Variants in L3MBTL4 observed in about 807,000 individuals in gnomAD.
L3MBTL4 encodes lethal(3)malignant brain tumor-like protein 4.
In L3MBTL4, 70 loss-of-function variants were observed where a neutral mutation model predicts 84.5. The observed-to-expected ratio is 0.83, with a 90% CI of 0.68 to 1.01. L3MBTL4 has a LOEUF of 1.01. L3MBTL4 is among the 50% of genes least tolerant of loss of function. L3MBTL4 has a pLI of 0.00. For synonymous variants in L3MBTL4, 274 were observed against 259.8 expected (o/e 1.05, Z -0.52); for missense variants, 715 against 754.8 (o/e 0.95, Z 0.62).
chr18:5,962,790 G>C (rs1336001719), intron 17 of L3MBTL4, among the ~76,000 whole-genome samples: 1 of 152,214 alleles, frequency 6.6e-6, no homozygotes, highest in Non-Finnish European at 1.5e-5. Context: ...AGGAATCAAA[G>C]ATGAGCGCAG....
At chr18:5,965,610 G>T (rs1344023541) in intron 17 of L3MBTL4, among the ~76,000 whole-genome samples, 1 of 152,130 alleles carries the variant, frequency 6.6e-6, no homozygotes, top group African/African-American at 2.4e-5. Context: ...CCCACACTCT[G>T]CTGTGGGTAG....
chr18:6,199,175 C>A (rs766144275), intron 12 of L3MBTL4, among the ~76,000 whole-genome samples: 27 of 152,168 alleles, frequency 1.8e-4, no homozygotes, highest in Non-Finnish European at 3.5e-4. Context: ...AAATCCAACA[C>A]AGCATCAGCT....
chr18:6,066,767 C>A (rs1201306498), intron 16 of L3MBTL4, among the ~76,000 whole-genome samples: 1 of 151,996 alleles, frequency 6.6e-6, no homozygotes, highest in African/African-American at 2.4e-5. Flanking sequence ...TTAGGTGGGT[C>A]TCTTGAACAT....
At chr18:6,131,519 GA>G (rs1054631521) in intron 14 of L3MBTL4, among the ~76,000 whole-genome samples, 3 of 150,990 alleles carry the variant, frequency 2.0e-5, no homozygotes, top group Admixed American at 6.6e-5. Flanking sequence ...ATGACAAGAG[GA>G]AAAAACCTTT....
chr18:6,413,379 T>C (rs2056049775), intron 1 of L3MBTL4, among the ~76,000 whole-genome samples: 1 of 152,178 alleles, frequency 6.6e-6, no homozygotes, highest in Non-Finnish European at 1.5e-5. Flanking sequence ...ACTCAACCAT[T>C]ACACACCAAG....
chr18:6,228,607 A>G (rs146577906), intron 10 of L3MBTL4, among the ~76,000 whole-genome samples: 2 of 152,200 alleles, frequency 1.3e-5, no homozygotes, highest in South Asian at 2.1e-4. Flanking sequence ...ACTCAAGGAG[A>G]GCATATAAGT....
At chr18:6,063,781 A>T (rs2057314460) in intron 16 of L3MBTL4, among the ~76,000 whole-genome samples, 1 of 151,902 alleles carries the variant, frequency 6.6e-6, no homozygotes, top group Non-Finnish European at 1.5e-5. Context: ...CATAGTTTGC[A>T]AATATTTTCT....
At chr18:6,075,766 C>T (rs1028658996) in intron 16 of L3MBTL4, among the ~76,000 whole-genome samples, 11 of 151,982 alleles carry the variant, frequency 7.2e-5, no homozygotes, top group African/African-American at 2.4e-4. Flanking sequence ...AATTATAAAA[C>T]AATGAACTCA....
chr18:6,119,191 C>T (rs2059452191), intron 14 of L3MBTL4, among the ~76,000 whole-genome samples: 1 of 130,550 alleles, frequency 7.7e-6, no homozygotes, highest in South Asian at 2.6e-4. Context: ...CCACCAGCTG[C>T]TGACTTGATT....
At chr18:6,322,043 A>G (rs182729853) in intron 1 of L3MBTL4, among the ~76,000 whole-genome samples, 86 of 152,284 alleles carry the variant, frequency 5.6e-4, no homozygotes, top group African/African-American at 1.9e-3. Context: ...TATTGTAATA[A>G]AAATATTTTT....
At chr18:6,109,345 T>C (rs1489991279) in intron 14 of L3MBTL4, among the ~76,000 whole-genome samples, 2 of 152,136 alleles carry the variant, frequency 1.3e-5, no homozygotes, top group Middle Eastern at 3.2e-3. Flanking sequence ...TGTGTGCATG[T>C]ATGTAGACAG....
At chr18:6,048,721 G>A (rs1279003654) in intron 16 of L3MBTL4, among the ~76,000 whole-genome samples, 1 of 151,172 alleles carries the variant, frequency 6.6e-6, no homozygotes, top group South Asian at 2.1e-4. Context: ...CCCGGGAGGC[G>A]GAGGCTGCAG....
At chr18:6,091,432 T>C (rs768696894) in intron 15 of L3MBTL4, among the ~76,000 whole-genome samples, 65 of 152,358 alleles carry the variant, frequency 4.3e-4, no homozygotes, top group Non-Finnish European at 5.7e-4. Context: ...TGAGGATTCA[T>C]GATGTGTAAC....
At chr18:6,216,439 A>G (rs1051270868) in intron 10 of L3MBTL4, among the ~76,000 whole-genome samples, 1 of 152,074 alleles carries the variant, frequency 6.6e-6, no homozygotes, top group African/African-American at 2.4e-5. Flanking sequence ...TCTATATAGT[A>G]TAGTTTTATT....
At chr18:5,991,364 G>A (rs1222716914) in intron 16 of L3MBTL4, among the ~76,000 whole-genome samples, 5 of 152,180 alleles carry the variant, frequency 3.3e-5, no homozygotes, top group African/African-American at 9.7e-5. Flanking sequence ...TTAAGCAAAT[G>A]AGTCGTTTAG....
intron 4 of L3MBTL4, among the ~76,000 whole-genome samples, chr18:6,286,901 G>C (rs1366021655): frequency 6.6e-6 from 1 of 152,186 alleles, no homozygotes; most frequent in African/African-American, 2.4e-5. Flanking sequence ...CTGGTTGGGA[G>C]CTCTGTTCAC....
chr18:6,121,037 T>C (rs533597794), intron 14 of L3MBTL4, among the ~76,000 whole-genome samples: 1 of 152,270 alleles, frequency 6.6e-6, no homozygotes, highest in Non-Finnish European at 1.5e-5. Context: ...AGATAAGTGA[T>C]GTTTACAACA....
At chr18:6,173,894 A>G (rs1211569076) in intron 12 of L3MBTL4, among the ~76,000 whole-genome samples, 2 of 152,306 alleles carry the variant, frequency 1.3e-5, no homozygotes, top group Admixed American at 6.5e-5. Flanking sequence ...AGTAGCTGAT[A>G]CGGGGCTGAG....
intron 16 of L3MBTL4, among the ~76,000 whole-genome samples, chr18:6,056,210 G>T (rs1239451759): frequency 6.6e-6 from 1 of 152,098 alleles, no homozygotes; most frequent in African/African-American, 2.4e-5. Flanking sequence ...TAAGAAAAAA[G>T]AGACTGTCAT....
Sources: allele counts gnomAD v4.1 joint callset (sites outside exome capture counted in the v4.1 genomes callset), GRCh38; gene constraint gnomAD v4.1.1; transcripts MANE v1.5; gene names NCBI Gene and HGNC (gene_info 2026-07-23, HGNC 2026-07-21).